Variants in ARHGAP12 observed in about 807,000 individuals in gnomAD.
ARHGAP12 encodes Rho GTPase activating protein 12, also known as rho GTPase-activating protein 12.
Under a neutral mutation model 108.6 loss-of-function variants are expected in ARHGAP12, and 64 were observed. The observed-to-expected ratio is 0.59, with a 90% CI of 0.48 to 0.73. ARHGAP12 has a LOEUF of 0.73. Among genes scored for constraint, ARHGAP12 ranks in the 30% least tolerant of loss-of-function variants. ARHGAP12 has a pLI of 0.00. For synonymous variants in ARHGAP12, 312 were observed against 337.2 expected (o/e 0.93, Z 0.82); for missense variants, 940 against 1,005.9 (o/e 0.93, Z 0.89).
chr10:31,805,965 T>C lies in ARHGAP12; in HGVS notation c.*1693A>G, dbSNP rs1834811611. The C allele has an allele frequency of 6.6e-6, 1 of 152,160 alleles. No homozygotes were observed. Among genetic ancestry groups the C allele is most frequent in the Non-Finnish European group, 1.5e-5 (1 of 68,032 alleles). The allele number at this position is 152,160 out of a possible 1,614,324, so 9.4% of individuals were successfully genotyped here. A position where few individuals can be genotyped will look rare whatever the true frequency, so the allele number is the denominator to read the frequency against. Reference sequence around the variant, plus strand: ...CGCTCACAACAACAAATACAGACTTTCTACCACAAAATTCAGGTGAGAGGT... The same window carrying C: ...CGCTCACAACAACAAATACAGACTTCCTACCACAAAATTCAGGTGAGAGGT... On this transcript the variant is annotated 3_prime_UTR_variant, in exon 20 of 20. Transcript: ENST00000344936.
At chr10:31,850,949 T>C (rs1836655086) in intron 6 of ARHGAP12, among the ~76,000 whole-genome samples, 1 of 152,124 alleles carries the variant, frequency 6.6e-6, no homozygotes, top group Admixed American at 6.5e-5. Context: ...TAAAGAGTAA[T>C]GAGATAAAAC....
chr10:31,856,292 T>C (rs1316985310), intron 4 of ARHGAP12, among the ~76,000 whole-genome samples: 2 of 152,096 alleles, frequency 1.3e-5, no homozygotes, highest in Non-Finnish European at 2.9e-5. Flanking sequence ...AGCTTTCTTC[T>C]TGAAGGCATT....
At chr10:31,899,273 T>C (rs779237744) in intron 3 of ARHGAP12, among the ~76,000 whole-genome samples, 2 of 152,256 alleles carry the variant, frequency 1.3e-5, no homozygotes, top group Non-Finnish European at 2.9e-5. Context: ...TCCTTGTCCA[T>C]GAATTACAAG....
chr10:31,824,136 G>C (rs1452120968), intron 11 of ARHGAP12, among the ~76,000 whole-genome samples: 1 of 151,870 alleles, frequency 6.6e-6, no homozygotes, highest in Non-Finnish European at 1.5e-5. Flanking sequence ...ATTAGTTCTC[G>C]CTCCCTTAAA....
intron 3 of ARHGAP12, among the ~76,000 whole-genome samples, chr10:31,904,061 A>C (rs1003909474): frequency 6.6e-6 from 1 of 152,222 alleles, no homozygotes; most frequent in Non-Finnish European, 1.5e-5. Context: ...ACTATTTTCT[A>C]AAAACTAACC....
intron 3 of ARHGAP12, among the ~76,000 whole-genome samples, chr10:31,863,855 GA>G (rs1653499736): frequency 6.6e-6 from 1 of 151,850 alleles, no homozygotes; most frequent in Admixed American, 6.6e-5. Flanking sequence ...AGCAAGATAG[GA>G]ACAGGTGACA....
chr10:31,875,645 AG>A (rs1837702075), intron 3 of ARHGAP12, among the ~76,000 whole-genome samples: 1 of 152,230 alleles, frequency 6.6e-6, no homozygotes, highest in Non-Finnish European at 1.5e-5. Flanking sequence ...ATTCATTCCC[AG>A]CACTTTTCTC....
intron 4 of ARHGAP12, among the ~76,000 whole-genome samples, chr10:31,859,500 A>G (rs1308673625): frequency 1.3e-5 from 2 of 152,184 alleles, no homozygotes; most frequent in African/African-American, 4.8e-5. Flanking sequence ...TTTACCTCCC[A>G]TACACAACTT....
At chr10:31,878,166 A>G (rs982248948) in intron 3 of ARHGAP12, among the ~76,000 whole-genome samples, 2 of 152,016 alleles carry the variant, frequency 1.3e-5, no homozygotes, top group Admixed American at 6.6e-5. Flanking sequence ...ACAGATACAA[A>G]AGGTAAAAGT....
intron 6 of ARHGAP12, among the ~76,000 whole-genome samples, chr10:31,845,029 A>G (rs1367439594): frequency 1.3e-5 from 2 of 152,160 alleles, no homozygotes; most frequent in South Asian, 2.1e-4. Flanking sequence ...ATGCTACACT[A>G]TTTATTTGGG....
intron 9 of ARHGAP12, among the ~76,000 whole-genome samples, chr10:31,837,214 T>C (rs769417035): frequency 6.6e-5 from 10 of 152,214 alleles, no homozygotes; most frequent in Non-Finnish European, 1.5e-4. Context: ...ACATTTAAAA[T>C]AGTTTTAAAG....
At chr10:31,864,143 G>GA (rs2132315361) in intron 3 of ARHGAP12, among the ~76,000 whole-genome samples, 1 of 151,888 alleles carries the variant, frequency 6.6e-6, no homozygotes, top group East Asian at 1.9e-4. Context: ...ATACGTAAAA[G>GA]AAAAAAGAAA....
chr10:31,846,511 T>C (rs543899663), intron 6 of ARHGAP12, among the ~76,000 whole-genome samples: 1 of 152,346 alleles, frequency 6.6e-6, no homozygotes, highest in Non-Finnish European at 1.5e-5. Context: ...AGTTCTTTTC[T>C]TCTAGCATTT....
intron 7 of ARHGAP12, among the ~76,000 whole-genome samples, chr10:31,841,167 A>T (rs1221490879): frequency 6.6e-6 from 1 of 152,064 alleles, no homozygotes; most frequent in Non-Finnish European, 1.5e-5. Context: ...ACATGTATAC[A>T]TTTATCTATA....
intron 10 of ARHGAP12, among the ~76,000 whole-genome samples, chr10:31,831,397 G>A (rs1325934938): frequency 2.0e-5 from 3 of 152,046 alleles, no homozygotes. Flanking sequence ...TCTGGGGAGG[G>A]GAAGTAATGC....
intron 1 of ARHGAP12, among the ~76,000 whole-genome samples, chr10:31,927,436 T>C (rs1330147476): frequency 6.6e-6 from 1 of 151,920 alleles, no homozygotes; most frequent in African/African-American, 2.4e-5. Context: ...ACACCCGGAG[T>C]CTCCCAAGGT....
At chr10:31,858,333 T>A (rs1329890189) in intron 4 of ARHGAP12, among the ~76,000 whole-genome samples, 3 of 152,124 alleles carry the variant, frequency 2.0e-5, no homozygotes, top group Admixed American at 1.3e-4. Context: ...ATACAACATA[T>A]GACAGCAGCA....
intron 3 of ARHGAP12, among the ~76,000 whole-genome samples, chr10:31,877,423 T>C (rs1046378846): frequency 6.6e-6 from 1 of 152,234 alleles, no homozygotes; most frequent in African/African-American, 2.4e-5. Flanking sequence ...GACTGACATT[T>C]ATCAATTCCC....
chr10:31,820,530 A>G (rs868691932), intron 11 of ARHGAP12, 42 bp from the exon 12 acceptor site: 1 of 1,214,152 alleles, frequency 8.2e-7, no homozygotes, highest in Middle Eastern at 2.1e-4. Context: ...TGTGATACTC[A>G]CATATATGTG....
Sources: gnomAD v4.1 joint callset for allele counts (sites outside exome capture counted in the v4.1 genomes callset) on GRCh38, gnomAD v4.1.1 for gene constraint, MANE v1.5 for transcripts, NCBI Gene and HGNC (gene_info 2026-07-23, HGNC 2026-07-21) for gene names.